HOMER2: variants seen among roughly 807,000 people sequenced by gnomAD.
HOMER2 encodes homer protein homolog 2.
A neutral mutation model predicts 47.0 loss-of-function variants in HOMER2; 27 were observed. The observed-to-expected ratio is 0.57, with a 90% CI of 0.42 to 0.79. The LOEUF (loss-of-function observed/expected upper bound fraction) is 0.79. HOMER2 is among the 30% of genes least tolerant of loss of function. The pLI is 0.00. For synonymous variants in HOMER2, 161 were observed against 163.8 expected (o/e 0.98, Z 0.13); for missense variants, 443 against 435.0 (o/e 1.02, Z -0.16).
At chr15:82,929,404 C>T (rs2053946737) in intron 1 of HOMER2, among the ~76,000 whole-genome samples, 1 of 151,936 alleles carries the variant, frequency 6.6e-6, no homozygotes, top group Non-Finnish European at 1.5e-5. Flanking sequence ...GCCCGTAATC[C>T]CAGCACTTTG....
chr15:82,914,511 A>G (rs549451408), intron 1 of HOMER2, among the ~76,000 whole-genome samples: 1 of 152,308 alleles, frequency 6.6e-6, no homozygotes, highest in South Asian at 2.1e-4. Context: ...AAATTGTCAA[A>G]TTCATAGAGA....
chr15:82,967,565 G>T (rs936410013), intron 1 of HOMER2, among the ~76,000 whole-genome samples: 4 of 152,058 alleles, frequency 2.6e-5, no homozygotes, highest in African/African-American at 9.7e-5. Context: ...CATATGTTTG[G>T]AATTTTCCAT....
intron 1 of HOMER2, among the ~76,000 whole-genome samples, chr15:82,931,708 T>G (rs2054015983): frequency 6.6e-6 from 1 of 152,066 alleles, no homozygotes. Context: ...TGTGGTGGCA[T>G]GCACCTGTAG....
chr15:82,854,986 C>G (rs1227410823), intron 5 of HOMER2, among the ~76,000 whole-genome samples, 186 bp from the exon 6 acceptor site: 2 of 152,210 alleles, frequency 1.3e-5, no homozygotes, highest in African/African-American at 2.4e-5. Flanking sequence ...GCCCCTCTCT[C>G]TGGTGTGAAC....
upstream of HOMER2, among the ~76,000 whole-genome samples, chr15:82,952,996 C>T (rs2151243913): frequency 6.6e-6 from 1 of 152,334 alleles, no homozygotes; most frequent in South Asian, 2.1e-4. Context: ...AACATCCTGC[C>T]TGATGGACTT....
upstream of HOMER2, among the ~76,000 whole-genome samples, chr15:82,954,073 T>C (rs2054559780): frequency 1.3e-5 from 2 of 151,792 alleles, no homozygotes; most frequent in African/African-American, 4.8e-5. Flanking sequence ...CCAGACTGTC[T>C]CAAAAAAATA....
intron 7 of HOMER2, among the ~76,000 whole-genome samples, chr15:82,851,822 T>C (rs1051421196): frequency 1.3e-5 from 2 of 152,204 alleles, no homozygotes; most frequent in African/African-American, 2.4e-5. Flanking sequence ...ACATCATGGG[T>C]CTCTAGCGGC....
Position 82,851,197 on chromosome 15 carries a change from A to G in HOMER2, c.797T>C (p.Ile266Thr), listed in dbSNP as rs776146246. Residue 266 changes from isoleucine (I) to threonine (T), a missense_variant, in exon 8 of 9, where the codon ATA (isoleucine) becomes ACA (threonine). Coordinates refer to ENST00000450735, the MANE Select transcript of HOMER2 (RefSeq NM_004839.4). ...TTCGCACTCTGACATGAGCTGAGGT[A>G]TGATTTCACTTTGTTTTCGGAGATC... ...LKDLRKQSEI[I>T]PQLMSECEYV... The G allele has an allele frequency of 1.3e-6, 2 of 1,571,108 alleles. No individual in the cohort carries two copies. Among genetic ancestry groups the G allele is most frequent in the Admixed American group, 3.7e-5 (2 of 53,704 alleles).
chr15:82,855,172 T>C (rs2051534712), intron 5 of HOMER2, among the ~76,000 whole-genome samples: 1 of 151,042 alleles, frequency 6.6e-6, no homozygotes, highest in Non-Finnish European at 1.5e-5. Flanking sequence ...CTGTCTCTAC[T>C]AAAAATACAA....
chr15:82,912,941 G>A (rs1293429361), intron 1 of HOMER2, among the ~76,000 whole-genome samples: 1 of 152,074 alleles, frequency 6.6e-6, no homozygotes, highest in Non-Finnish European at 1.5e-5. Flanking sequence ...GCCCAAGGAG[G>A]GAACCTCACA....
intron 3 of HOMER2, among the ~76,000 whole-genome samples, chr15:82,866,935 AAT>A (rs1403591448): frequency 6.6e-6 from 1 of 152,206 alleles, no homozygotes; most frequent in African/African-American, 2.4e-5. Context: ...ATTTTAAATA[AAT>A]AATCATTTTT....
At chr15:82,981,360 T>A (rs1292967586) in intron 1 of HOMER2, among the ~76,000 whole-genome samples, 1 of 152,218 alleles carries the variant, frequency 6.6e-6, no homozygotes, top group Non-Finnish European at 1.5e-5. Context: ...TGCCTGTAGA[T>A]CATTGGGTCA....
intron 1 of HOMER2, among the ~76,000 whole-genome samples, chr15:82,903,762 G>A (rs936705404): frequency 5.3e-5 from 8 of 152,192 alleles, no homozygotes; most frequent in Non-Finnish European, 8.8e-5. Flanking sequence ...TGCGAGGCCA[G>A]GGCGGGCAGA....
chr15:82,836,129 C>T (rs925044269), downstream of HOMER2: 1 of 152,246 alleles, frequency 6.6e-6, no homozygotes, highest in Non-Finnish European at 1.5e-5. Context: ...TGTGCATCAA[C>T]GCTTCCTTTC....
intron 1 of HOMER2, among the ~76,000 whole-genome samples, chr15:82,945,951 C>T (rs2054370560): frequency 6.6e-6 from 1 of 151,146 alleles, no homozygotes; most frequent in Admixed American, 6.6e-5. Flanking sequence ...GCATGGGCAA[C>T]AGAGTGAGAC....
upstream of HOMER2, among the ~76,000 whole-genome samples, chr15:82,954,238 G>A (rs1413716534): frequency 6.6e-6 from 1 of 151,974 alleles, no homozygotes. Flanking sequence ...TGAAGTGTTC[G>A]AATAACTTCA....
intron 2 of HOMER2, among the ~76,000 whole-genome samples, chr15:82,889,239 C>T (rs1423898836): frequency 1.3e-5 from 2 of 152,138 alleles, no homozygotes; most frequent in Non-Finnish European, 2.9e-5. Flanking sequence ...TGGGGCTGAC[C>T]CAGTGTGGTA....
At chr15:82,971,168 C>T (rs1465956770) in intron 1 of HOMER2, among the ~76,000 whole-genome samples, 1 of 152,158 alleles carries the variant, frequency 6.6e-6, no homozygotes, top group East Asian at 1.9e-4. Flanking sequence ...TGATAATGAG[C>T]AGCTCTGGAT....
intron 1 of HOMER2, among the ~76,000 whole-genome samples, chr15:82,934,903 C>A (rs1236203059): frequency 3.3e-5 from 5 of 152,234 alleles, no homozygotes; most frequent in African/African-American, 7.2e-5. Context: ...CCCTGTCCCC[C>A]ACTCACGCTC....
Sources: gnomAD v4.1 joint callset for allele counts (sites outside exome capture counted in the v4.1 genomes callset) on GRCh38, gnomAD v4.1.1 for gene constraint, MANE v1.5 for transcripts, NCBI Gene and HGNC (gene_info 2026-07-23, HGNC 2026-07-21) for gene names.